ITPKB: variants seen among roughly 807,000 people sequenced by gnomAD.
The protein encoded by ITPKB is IP3 3-kinase B.
In ITPKB, 13 loss-of-function variants were observed where a neutral mutation model predicts 69.4. The ratio of observed to expected loss-of-function variants is 0.19; its 90% CI spans 0.12 to 0.30. The LOEUF is 0.30. Among genes scored for constraint, ITPKB ranks in the 10% least tolerant of loss-of-function variants. ITPKB has a pLI of 1.00. For synonymous variants in ITPKB, 584 were observed against 513.7 expected, an observed-to-expected ratio of 1.14 and a Z score of -1.85; for missense variants, 1,240 against 1,250.5, an observed-to-expected ratio of 0.99 and a Z score of 0.13.
intron 2 of ITPKB, among the ~76,000 whole-genome samples, chr1:226,655,588 G>T (rs1005013731): frequency 4.3e-4 from 66 of 152,226 alleles, no homozygotes; most frequent in African/African-American, 1.6e-3. Context: ...TCTGCATGTT[G>T]TTCAGAGTCT....
chr1:226,649,002 C>G (rs1309961350), intron 2 of ITPKB, among the ~76,000 whole-genome samples: 1 of 152,180 alleles, frequency 6.6e-6, no homozygotes, highest in Non-Finnish European at 1.5e-5. Context: ...TCCCCTGTCC[C>G]AAGAGCAACG....
Position 226,738,362 on chromosome 1 carries a change from A to G in ITPKB, c.-206+679T>C, listed in dbSNP as rs989066818. Among the ~76,000 whole-genome samples, 7 of 150,762 alleles carry G rather than the reference A, an allele frequency of 4.6e-5. No individual in the cohort carries two copies. Among genetic ancestry groups the G allele is most frequent in the African/African-American group, 1.7e-4 (7 of 41,064 alleles). The stretch of plus-strand genomic sequence containing the variant: ...TAGCCTTGTCGCCTATCCCTAGACA[A>G]GTGTTTTGTGAGTGTGGGCGCACCG... On this transcript the variant is annotated intron_variant, in intron 1 of 7. Coordinates refer to ENST00000429204, the MANE Select transcript of ITPKB (RefSeq NM_002221.4). The surrounding 1 kb of genome is among the most constrained non-coding windows in gnomAD (Gnocchi z 4.2).
At chr1:226,732,302 A>G (rs933886971) in intron 2 of ITPKB, among the ~76,000 whole-genome samples, 5 of 152,152 alleles carry the variant, frequency 3.3e-5, no homozygotes, top group African/African-American at 4.8e-5. Context: ...GCAGTGGTAC[A>G]ATCTCGCCTC....
chr1:226,727,858 A>T (rs1657471106), intron 2 of ITPKB, among the ~76,000 whole-genome samples: 1 of 152,234 alleles, frequency 6.6e-6, no homozygotes, highest in Non-Finnish European at 1.5e-5. Context: ...GGGTTAGGCA[A>T]ACCCTAATCT....
At chr1:226,646,785 A>G (rs1362571889) in intron 4 of ITPKB, among the ~76,000 whole-genome samples, 1 of 152,150 alleles carries the variant, frequency 6.6e-6, no homozygotes, top group African/African-American at 2.4e-5. Flanking sequence ...CAGCTCACAC[A>G]GCAGGAAGTC....
Position 226,737,655 on chromosome 1 carries a change from AC to A in ITPKB, c.-198del. 1 of 1,024,786 alleles carries A rather than the reference AC, an allele frequency of 9.8e-7. No individual in the cohort carries two copies. The highest frequency in any genetic ancestry group is 1.2e-6 in the Non-Finnish European group (1 of 840,626). The allele number at this position is 1,024,786 out of a possible 1,614,324, so 63.5% of individuals were successfully genotyped here. A position where few individuals can be genotyped will look rare whatever the true frequency, so the allele number is the denominator to read the frequency against. ...GCCCCCGCCCAAAGCTCCATAAACA[AC>A]CGTGCGGCTGTGGAGATACAAGGAG... On this transcript the variant is annotated 5_prime_UTR_variant, in exon 2 of 8. Coordinates refer to ENST00000429204, the MANE Select transcript of ITPKB (RefSeq NM_002221.4).
chr1:226,703,430 G>A (rs1656716552), intron 2 of ITPKB, among the ~76,000 whole-genome samples: 1 of 152,246 alleles, frequency 6.6e-6, no homozygotes, highest in Non-Finnish European at 1.5e-5. Context: ...ATTTCGGGCA[G>A]GGCGGTGAAG....
intron 2 of ITPKB, among the ~76,000 whole-genome samples, chr1:226,689,146 A>C (rs898709869): frequency 1.3e-5 from 2 of 152,218 alleles, no homozygotes; most frequent in African/African-American, 4.8e-5. Flanking sequence ...TCCAACCAAT[A>C]ATCTCTCAAA....
At chr1:226,685,890 G>A (rs1162582882) in intron 2 of ITPKB, among the ~76,000 whole-genome samples, 1 of 152,178 alleles carries the variant, frequency 6.6e-6, no homozygotes, top group Non-Finnish European at 1.5e-5. Context: ...GGTGAGCTGT[G>A]GGGCAGCACG....
At chr1:226,737,966 C>G (rs1211284174) in intron 1 of ITPKB, among the ~76,000 whole-genome samples, 2 of 152,220 alleles carry the variant, frequency 1.3e-5, no homozygotes, top group Non-Finnish European at 2.9e-5. Context: ...AAGCGAGGTC[C>G]AAGTCCTTGG....
At chr1:226,661,489 C>T (rs891677205) in intron 2 of ITPKB, among the ~76,000 whole-genome samples, 1 of 152,212 alleles carries the variant, frequency 6.6e-6, no homozygotes, top group African/African-American at 2.4e-5. Flanking sequence ...AGCTCTTCAT[C>T]ACTCTGCTGG....
At chr1:226,707,852 A>G (rs1656840399) in intron 2 of ITPKB, 2 of 1,270,312 alleles carry the variant, frequency 1.6e-6, no homozygotes, top group African/African-American at 1.6e-5. Context: ...TATGCTATAC[A>G]TCATTCTTGG....
chr1:226,668,006 C>T (rs1289816827), intron 2 of ITPKB, among the ~76,000 whole-genome samples: 1 of 152,042 alleles, frequency 6.6e-6, no homozygotes, highest in African/African-American at 2.4e-5. Context: ...GGGCCTGGCA[C>T]GGAGCAGTTT....
chr1:226,655,257 T>C (rs1275255622), intron 2 of ITPKB, among the ~76,000 whole-genome samples: 1 of 152,238 alleles, frequency 6.6e-6, no homozygotes, highest in African/African-American at 2.4e-5. Flanking sequence ...GAGGGGTCCC[T>C]TGTCCAAAAT....
chr1:226,729,888 C>T (rs6687724), intron 2 of ITPKB, among the ~76,000 whole-genome samples: 3,771 of 152,226 alleles, frequency 0.025, 153 homozygotes, highest in African/African-American at 0.084. Flanking sequence ...AACCACCACA[C>T]CTGGCCTAGT....
At chr1:226,687,435 C>T (rs915442738) in intron 2 of ITPKB, among the ~76,000 whole-genome samples, 11 of 152,216 alleles carry the variant, frequency 7.2e-5, no homozygotes, top group African/African-American at 2.4e-4. Context: ...TGCCCTCCCA[C>T]ATCACACCCT....
chr1:226,643,540 C>T (rs534116264), intron 4 of ITPKB, among the ~76,000 whole-genome samples: 1 of 152,332 alleles, frequency 6.6e-6, no homozygotes, highest in East Asian at 1.9e-4. Context: ...GGCCTTGTTC[C>T]AACACTGCCC....
chr1:226,718,017 G>A (rs917683250), intron 2 of ITPKB, among the ~76,000 whole-genome samples: 7 of 152,192 alleles, frequency 4.6e-5, no homozygotes, highest in African/African-American at 9.7e-5. Flanking sequence ...CAAGTTGGCC[G>A]GGCGTGGTAG....
At chr1:226,725,525 CAG>C (rs781605395) in intron 2 of ITPKB, among the ~76,000 whole-genome samples, 3 of 152,218 alleles carry the variant, frequency 2.0e-5, no homozygotes, top group Non-Finnish European at 4.4e-5. Context: ...TTCCATGACA[CAG>C]AAGAGAAAAC....
Sources: allele counts gnomAD v4.1 joint callset (sites outside exome capture counted in the v4.1 genomes callset), GRCh38; gene constraint gnomAD v4.1.1; non-coding constraint Gnocchi (gnomAD v3.1); transcripts MANE v1.5; gene names NCBI Gene and HGNC (gene_info 2026-07-23, HGNC 2026-07-21).